The following ATP6V1C2 variants were observed in gnomAD, a reference collection of about 807,000 sequenced individuals.
ATP6V1C2 encodes the protein ATPase H+ transporting V1 subunit C2.
ATP6V1C2 carries 45 observed loss-of-function variants against 56.8 expected under a neutral mutation model. The observed-to-expected ratio is 0.79, with a 90% confidence interval of 0.62 to 1.02. The LOEUF (loss-of-function observed/expected upper bound fraction) is 1.02. ATP6V1C2 is among the 50% of genes least tolerant of loss of function. The pLI is 0.00. For synonymous variants in ATP6V1C2, 220 were observed against 201.3 expected (o/e 1.09, Z -0.79); for missense variants, 463 against 519.7 (o/e 0.89, Z 1.06).
At chr2:10,736,132 T>G (rs1456332422) in intron 3 of ATP6V1C2, among the ~76,000 whole-genome samples, 1 of 151,762 alleles carries the variant, frequency 6.6e-6, no homozygotes, top group Admixed American at 6.6e-5. Context: ...ATTCAGGAGG[T>G]CTGAGTTGGG....
At chr2:10,775,851 C>T (rs1489280104) in intron 10 of ATP6V1C2, among the ~76,000 whole-genome samples, 1 of 152,170 alleles carries the variant, frequency 6.6e-6, no homozygotes, top group Non-Finnish European at 1.5e-5. Flanking sequence ...AGGGAGGGTT[C>T]CGTGAGCACC....
At chr2:10,770,255 G>A (rs564477065) in intron 6 of ATP6V1C2, among the ~76,000 whole-genome samples, 7 of 152,150 alleles carry the variant, frequency 4.6e-5, no homozygotes, top group Admixed American at 2.0e-4. Context: ...AAAATTAGCC[G>A]TGCGTCATGG....
chr2:10,761,849 A>G (rs893875422), intron 4 of ATP6V1C2, among the ~76,000 whole-genome samples: 16 of 152,164 alleles, frequency 1.1e-4, no homozygotes, highest in Admixed American at 9.2e-4. Context: ...TGTTAATTCC[A>G]ACACCAGCAT....
At chr2:10,778,734 G>A (rs1423003968) in intron 12 of ATP6V1C2, 65 bp downstream of exon 12, 18 of 1,497,802 alleles carry the variant, frequency 1.2e-5, no homozygotes, top group African/African-American at 2.8e-5. Flanking sequence ...GGGAGCTATC[G>A]GGGCACCCCA....
intron 3 of ATP6V1C2, among the ~76,000 whole-genome samples, chr2:10,732,079 T>G (rs925984895): frequency 6.6e-6 from 1 of 152,232 alleles, no homozygotes; most frequent in South Asian, 2.1e-4. Context: ...TCTGTCCTAG[T>G]GCAAGTCTTT....
intron 10 of ATP6V1C2, among the ~76,000 whole-genome samples, chr2:10,775,903 G>A (rs903006634): frequency 6.6e-6 from 1 of 152,144 alleles, no homozygotes; most frequent in East Asian, 1.9e-4. Flanking sequence ...GGAATGAGTA[G>A]AAAGTTCTTG....
Position 10,778,978 on chromosome 2 carries a change from G to A in ATP6V1C2, c.1061+309G>A, listed in dbSNP as rs573224494. ...TCCTGTCCCCACCCTCGTGAAGCCC[G>A]CAGGGCCCGAGTGGCTCCTGGAAGG... is the stretch of plus-strand genomic sequence containing the variant. On this transcript the variant is annotated intron_variant, in intron 12 of 13. Transcript: ENST00000272238. Among the ~76,000 whole-genome samples the A allele has an allele frequency of 3.3e-5, 5 of 152,256 alleles. No individual in the cohort carries two copies. In the South Asian group the frequency reaches 6.2e-4, roughly 19 times the overall value.
At chr2:10,762,537 T>C in intron 4 of ATP6V1C2, among the ~76,000 whole-genome samples, 1 of 152,188 alleles carries the variant, frequency 6.6e-6, no homozygotes, top group East Asian at 1.9e-4. Context: ...ACCGTCGTCG[T>C]CCTGTTATCT....
Position 10,782,246 on chromosome 2 carries a change from T to C in ATP6V1C2, c.1065T>C (p.Tyr355=). ...CACATTTTGTCTATCTGAAAAGGTA[T>C]GGACTACCAGTGAACTTCCAGGCAG... ...LRVFVESVLR[Y]GLPVNFQAVL... Residue 355 remains tyrosine, a synonymous_variant, in exon 13 of 14, where the codon TAT becomes TAC. Transcript: ENST00000272238. 4.3e-6 allele frequency: 7 copies of C among 1,614,128 alleles called. No individual in the cohort carries two copies. Among genetic ancestry groups the C allele is most frequent in the Non-Finnish European group, 5.1e-6 (6 of 1,179,992 alleles).
At chr2:10,742,583 C>G (rs965937126) in intron 3 of ATP6V1C2, among the ~76,000 whole-genome samples, 1 of 152,204 alleles carries the variant, frequency 6.6e-6, no homozygotes, top group Non-Finnish European at 1.5e-5. Context: ...CCCCATACCC[C>G]TGGACTGGAA....
At position 10,772,584 on chromosome 2, in the gene ATP6V1C2, A is replaced by G. The variant is rs1664693696; in HGVS notation, c.612A>G (p.Ser204=). Residue 204 remains serine, a synonymous_variant, in exon 8 of 14, where the codon TCA becomes TCG. Transcript: ENST00000272238. Reference sequence around the variant, plus strand: ...GGCAAAAAACCTACGAATCTCTCTCAGACATGGTGGTCCCTCGATCAACCA... The same window carrying G: ...GGCAAAAAACCTACGAATCTCTCTCGGACATGGTGGTCCCTCGATCAACCA... The part of the protein sequence containing the change: ...SQWQKTYESL[S]DMVVPRSTKL... The G allele has an allele frequency of 6.2e-7, 1 of 1,613,976 alleles. No homozygotes were observed. Among genetic ancestry groups the G allele is most frequent in the South Asian group, 1.1e-5 (1 of 91,090 alleles).
intron 1 of ATP6V1C2, 149 bp from the exon 2 acceptor site, chr2:10,722,675 G>A: frequency 1.2e-6 from 1 of 808,542 alleles, no homozygotes. Flanking sequence ...CTGCCCAGGT[G>A]GAGATAAGAG....
At chr2:10,764,779 G>T (rs1275399208) in intron 5 of ATP6V1C2, among the ~76,000 whole-genome samples, 1 of 152,242 alleles carries the variant, frequency 6.6e-6, no homozygotes. Context: ...AGACCAGTCT[G>T]TCCAATATGG....
chr2:10,759,915 G>A (rs1049582874), intron 4 of ATP6V1C2, among the ~76,000 whole-genome samples: 3 of 152,170 alleles, frequency 2.0e-5, no homozygotes, highest in Admixed American at 2.0e-4. Flanking sequence ...AGCCTTACTG[G>A]TTCAAAAGCC....
chr2:10,766,218 AG>A (rs908574083), intron 5 of ATP6V1C2, among the ~76,000 whole-genome samples: 3 of 152,188 alleles, frequency 2.0e-5, no homozygotes, highest in Non-Finnish European at 4.4e-5. Flanking sequence ...TGGCAGCAGC[AG>A]GGGCAGAGGC....
chr2:10,762,457 A>G (rs1346167887), intron 4 of ATP6V1C2, among the ~76,000 whole-genome samples: 1 of 152,106 alleles, frequency 6.6e-6, no homozygotes, highest in African/African-American at 2.4e-5. Flanking sequence ...CATAAATTAA[A>G]TGGAATAATT....
In ATP6V1C2 at chr2:10,774,832, T is replaced by C; in HGVS notation, c.683T>C (p.Leu228Pro). 3 of 1,614,218 alleles carry C rather than the reference T, an allele frequency of 1.9e-6. No individual in the cohort carries two copies. The highest frequency in any genetic ancestry group is 2.5e-6 in the Non-Finnish European group (3 of 1,180,042). The change falls in exon 9 of 14, where the codon CTG (leucine) becomes CCG (proline). Residue 228 changes from leucine (L) to proline (P), a missense_variant. Physicochemically the swap from Leu to Pro is moderately conservative, Grantham distance 98. Transcript: ENST00000272238. ...GAAGGGGGCCTTTTCACTGTGACTC[T>C]GTTTCGAAAAGTGATTGAAGATTTC... Reference protein sequence around the residue: ...DKEGGLFTVTLFRKVIEDFKT... With the variant: ...DKEGGLFTVTPFRKVIEDFKT...
intron 6 of ATP6V1C2, among the ~76,000 whole-genome samples, chr2:10,770,498 C>T (rs976295439): frequency 6.6e-5 from 10 of 152,198 alleles, no homozygotes; most frequent in Non-Finnish European, 1.5e-4. Context: ...GGACAGGGGC[C>T]GGGCGCCGGG....
At position 10,752,882 on chromosome 2, in the gene ATP6V1C2, G is replaced by A. The variant is rs148959376; in HGVS notation, c.198-1099G>A. On this transcript the variant is annotated intron_variant, in intron 3 of 13. Transcript: ENST00000272238. Reference sequence around the variant, plus strand: ...GTCGTGGTGGGCCTCTGTAATCCCCGCTACTTGGGAGGCTGAGGAGGGAGA... The same window carrying A: ...GTCGTGGTGGGCCTCTGTAATCCCCACTACTTGGGAGGCTGAGGAGGGAGA... Among the ~76,000 whole-genome samples, 1,180 of 152,188 alleles carry A rather than the reference G, an allele frequency of 7.8e-3. 17 individuals carry two copies. Among genetic ancestry groups the A allele is most frequent in the African/African-American group, 0.021 (856 of 41,510 alleles).
Sources: gnomAD v4.1 joint callset for allele counts (sites outside exome capture counted in the v4.1 genomes callset) on GRCh38, gnomAD v4.1.1 for gene constraint, MANE v1.5 for transcripts, NCBI Gene and HGNC (gene_info 2026-07-23, HGNC 2026-07-21) for gene names.